TP73: variants seen among roughly 807,000 people sequenced by gnomAD.
TP73 encodes the protein tumor protein p73.
Under a neutral mutation model 62.5 loss-of-function variants are expected in TP73, and 25 were observed. The ratio of observed to expected loss-of-function variants is 0.40; its 90% confidence interval spans 0.29 to 0.56. The LOEUF is 0.56. TP73 is among the 20% of genes least tolerant of loss of function. The pLI is 0.46. For synonymous variants in TP73, 423 were observed against 377.5 expected, an observed-to-expected ratio of 1.12 and a Z score of -1.40; for missense variants, 754 against 913.3, an observed-to-expected ratio of 0.83 and a Z score of 2.25.
chr1:3,703,492 C>T (rs1367180782), intron 3 of TP73, among the ~76,000 whole-genome samples: 4 of 152,190 alleles, frequency 2.6e-5, no homozygotes, highest in East Asian at 1.9e-4. Context: ...TTAGGATTCC[C>T]GCGTGGGGCC....
chr1:3,729,768 A>C (rs981247848), intron 10 of TP73: 20 of 752,250 alleles, frequency 2.7e-5, no homozygotes, highest in Middle Eastern at 2.3e-4. Context: ...TTCCAGTGGC[A>C]CAGGTCATCC....
At chr1:3,688,728 G>A (rs1380935803) in intron 3 of TP73, among the ~76,000 whole-genome samples, 2 of 152,200 alleles carry the variant, frequency 1.3e-5, no homozygotes, top group Non-Finnish European at 2.9e-5. Context: ...GGGTGCTTTT[G>A]AGTTGGAAAC....
At chr1:3,714,019 C>T (rs1326345004) in intron 4 of TP73, among the ~76,000 whole-genome samples, 1 of 152,198 alleles carries the variant, frequency 6.6e-6, no homozygotes, top group Non-Finnish European at 1.5e-5. Flanking sequence ...CCACCCCTCC[C>T]CCAGCCATGC....
intron 12 of TP73, 87 bp downstream of exon 12, chr1:3,731,152 A>G: frequency 6.6e-7 from 1 of 1,523,992 alleles, no homozygotes; most frequent in Non-Finnish European, 8.8e-7. Flanking sequence ...GCCCTGCCCC[A>G]CCCTGTGTGC....
intron 3 of TP73, among the ~76,000 whole-genome samples, chr1:3,689,716 T>C (rs188038465): frequency 3.6e-4 from 54 of 151,198 alleles, no homozygotes; most frequent in Non-Finnish European, 7.4e-4. Flanking sequence ...CAGGAAAAGG[T>C]TGGAAGGAAA....
rs1169826569 is a variant in TP73 at position 3,666,674 on chromosome 1, C to G, written c.-34+14033C>G. On this transcript the variant is annotated intron_variant, in intron 1 of 13. Coordinates refer to ENST00000378295, the MANE Select transcript of TP73 (RefSeq NM_005427.4). This position sits in a 1 kb window ranked among gnomAD's most constrained non-coding sequence, Gnocchi z 6.4. The stretch of plus-strand genomic sequence containing the variant: ...GCCCTTTGACCTCAAAGAGGCCTGT[C>G]CTGTGTGTCTCACTGAGCAGGAACA... Among the ~76,000 whole-genome samples the G allele has an allele frequency of 6.6e-6, 1 of 152,108 alleles. No homozygotes were observed. Among genetic ancestry groups the G allele is most frequent in the Non-Finnish European group, 1.5e-5 (1 of 68,026 alleles).
chr1:3,656,107 C>T (rs1022727096), intron 1 of TP73, among the ~76,000 whole-genome samples: 2 of 150,546 alleles, frequency 1.3e-5, no homozygotes, highest in African/African-American at 4.9e-5. Context: ...ACCCGGAAGG[C>T]GGAGCTTGCA....
intron 3 of TP73, among the ~76,000 whole-genome samples, 187 bp downstream of exon 3, chr1:3,683,367 AG>A (rs1213181632): frequency 6.6e-6 from 1 of 152,124 alleles, no homozygotes; most frequent in African/African-American, 2.4e-5. Flanking sequence ...GTCAATCCAG[AG>A]ATAGGAATGG....
chr1:3,682,557 C>T, intron 2 of TP73, 127 bp downstream of exon 2: 2 of 905,794 alleles, frequency 2.2e-6, no homozygotes, highest in East Asian at 3.1e-5. Flanking sequence ...TCTGGGCTAG[C>T]CCCAGCCACC....
At chr1:3,700,789 A>G (rs1639095725) in intron 3 of TP73, among the ~76,000 whole-genome samples, 1 of 152,228 alleles carries the variant, frequency 6.6e-6, no homozygotes, top group Non-Finnish European at 1.5e-5. Context: ...TCAAAAAAAA[A>G]AAAAGTCACT....
intron 4 of TP73, among the ~76,000 whole-genome samples, chr1:3,716,913 C>T (rs777718288): frequency 3.9e-5 from 6 of 152,098 alleles, no homozygotes; most frequent in Non-Finnish European, 7.4e-5. Context: ...CAAAGAGGCC[C>T]GTAACCCCAG....
intron 1 of TP73, among the ~76,000 whole-genome samples, chr1:3,657,531 G>A (rs1482297591): frequency 6.6e-6 from 1 of 152,210 alleles, no homozygotes; most frequent in Non-Finnish European, 1.5e-5. Context: ...CGTTCCCAGA[G>A]GCTGCATCCA....
intron 3 of TP73, chr1:3,690,927 G>A (rs140814414): frequency 6.3e-6 from 10 of 1,580,968 alleles, no homozygotes; most frequent in East Asian, 4.7e-5. Context: ...CGGTGACCCC[G>A]CACGGCACCT....
chr1:3,698,816 C>T (rs766703852), intron 3 of TP73, among the ~76,000 whole-genome samples: 2 of 152,192 alleles, frequency 1.3e-5, no homozygotes, highest in South Asian at 4.1e-4. Flanking sequence ...TCTGCAAGGC[C>T]CCCATGTGGC....
At chr1:3,691,276 C>A (rs1051916147) in intron 3 of TP73, among the ~76,000 whole-genome samples, 6 of 152,132 alleles carry the variant, frequency 3.9e-5, no homozygotes, top group African/African-American at 7.2e-5. Context: ...TTGGGGCTGG[C>A]GGCTTGGTCC....
intron 3 of TP73, among the ~76,000 whole-genome samples, chr1:3,705,509 G>A (rs115694533): frequency 0.019 from 2,917 of 152,362 alleles, 30 homozygotes; most frequent in South Asian, 0.029. Flanking sequence ...GCCAGATGAT[G>A]GCAGCTTCAG....
At chr1:3,682,757 T>C (rs1194676132) in intron 2 of TP73, among the ~76,000 whole-genome samples, 1 of 152,208 alleles carries the variant, frequency 6.6e-6, no homozygotes, top group Non-Finnish European at 1.5e-5. Flanking sequence ...ACTGCTGCCC[T>C]AGGCCTTCCC....
Position 3,696,283 on chromosome 1 carries a change from C to G in TP73, c.187-11266C>G, listed in dbSNP as rs1456350728. ...AAAGATGCTGAGGTTCCATTTGCAC[C>G]CTTGCAGGAGGCTCTGCTGCTCCCC... On this transcript the variant is annotated intron_variant, in intron 3 of 13. Coordinates refer to ENST00000378295, the MANE Select transcript of TP73 (RefSeq NM_005427.4). This position sits in a 1 kb window ranked among gnomAD's most constrained non-coding sequence, Gnocchi z 4.1. Among the ~76,000 whole-genome samples the G allele has an allele frequency of 1.3e-5, 2 of 151,938 alleles. No individual in the cohort carries two copies. The highest frequency in any genetic ancestry group is 2.9e-5 in the Non-Finnish European group (2 of 67,990).
chr1:3,712,050 C>T (rs1019879197), intron 4 of TP73: 4 of 152,124 alleles, frequency 2.6e-5, no homozygotes, highest in African/African-American at 4.8e-5. Flanking sequence ...CCCAGCGCCT[C>T]GGAGGCTTGC....
Sources: gnomAD v4.1 joint callset for allele counts (sites outside exome capture counted in the v4.1 genomes callset) on GRCh38, gnomAD v4.1.1 for gene constraint, Gnocchi (gnomAD v3.1) non-coding constraint, MANE v1.5 for transcripts, NCBI Gene and HGNC (gene_info 2026-07-23, HGNC 2026-07-21) for gene names.